ADCY10: variants seen among roughly 807,000 people sequenced by gnomAD.
The protein encoded by ADCY10 is adenylate cyclase 10.
A neutral mutation model predicts 183.3 loss-of-function variants in ADCY10; 156 were observed. The ratio of observed to expected loss-of-function variants is 0.85; its 90% CI spans 0.75 to 0.97. ADCY10 has a LOEUF of 0.97. Among genes scored for constraint, ADCY10 ranks in the 50% least tolerant of loss-of-function variants. The pLI, the probability that ADCY10 is intolerant of heterozygous loss-of-function variation, is 0.00. For missense variants in ADCY10, 1,745 were observed against 1,934.3 expected, an observed-to-expected ratio of 0.90 and a Z score of 1.84; for synonymous variants, 645 against 670.0, an observed-to-expected ratio of 0.96 and a Z score of 0.58.
At chr1:167,840,364 A>T (rs1386032743) in intron 21 of ADCY10, among the ~76,000 whole-genome samples, 6 of 61,270 alleles carry the variant, frequency 9.8e-5, no homozygotes, top group Admixed American at 1.8e-4. Context: ...TATTATTATT[A>T]CTATTTTTTT....
intron 1 of ADCY10, among the ~76,000 whole-genome samples, chr1:167,905,508 C>T (rs1317053676): frequency 6.6e-6 from 1 of 152,014 alleles, no homozygotes; most frequent in African/African-American, 2.4e-5. Context: ...GGCTGTTAAG[C>T]TCTATTCACT....
chr1:167,810,171 G>A (rs1435885634), intron 32 of ADCY10, among the ~76,000 whole-genome samples: 1 of 152,212 alleles, frequency 6.6e-6, no homozygotes, highest in African/African-American at 2.4e-5. Context: ...TGGCCACAAA[G>A]AAGGGCAGAG....
At chr1:167,881,599 A>G (rs1176961460) in intron 9 of ADCY10, among the ~76,000 whole-genome samples, 1 of 152,232 alleles carries the variant, frequency 6.6e-6, no homozygotes, top group Non-Finnish European at 1.5e-5. Context: ...CCCCCTAGCA[A>G]TGGAATGACA....
At position 167,861,211 on chromosome 1, in the gene ADCY10, G is replaced by A. The variant is rs60546418; in HGVS notation, c.1617-148C>T. On this transcript the variant is annotated intron_variant, in intron 14 of 32. Coordinates refer to ENST00000367851, the MANE Select transcript of ADCY10 (RefSeq NM_018417.6). The stretch of plus-strand genomic sequence containing the variant: ...TATCTCGCAATGGTTCTTTATTGCT[G>A]CTTCTGATATACTCCCTCTTCTCCT... 4.7e-4 allele frequency: 332 copies of A among 713,810 alleles called. 2 individuals are homozygous for A. The African/African-American group carries it at 5.5e-3, about 12-fold the overall frequency. The allele number at this position is 713,810 out of a possible 1,614,324, so 44.2% of individuals were successfully genotyped here.
chr1:167,869,595 G>C (rs575625309), intron 14 of ADCY10, among the ~76,000 whole-genome samples: 10 of 152,280 alleles, frequency 6.6e-5, no homozygotes, highest in African/African-American at 1.9e-4. Context: ...CCCTGACCTA[G>C]CAACTGTTGT....
chr1:167,848,918 G>C (rs1665268426), intron 18 of ADCY10, among the ~76,000 whole-genome samples: 1 of 152,084 alleles, frequency 6.6e-6, no homozygotes, highest in African/African-American at 2.4e-5. Context: ...GGGATTACAG[G>C]TATGAGCCAC....
intron 32 of ADCY10, 139 bp downstream of exon 32, chr1:167,810,586 G>A (rs1189849870): frequency 7.5e-6 from 6 of 805,056 alleles, no homozygotes; most frequent in Non-Finnish European, 1.3e-5. Flanking sequence ...TGAGCAGTAG[G>A]TTTCTATTGT....
chr1:167,873,696 A>C (rs948603025), intron 13 of ADCY10, among the ~76,000 whole-genome samples: 1 of 152,182 alleles, frequency 6.6e-6, no homozygotes, highest in South Asian at 2.1e-4. Context: ...CAAAAATATC[A>C]ATTCCAAATG....
At chr1:167,860,811 AGAG>A in intron 15 of ADCY10, 57 bp downstream of exon 15, 2 of 1,387,100 alleles carry the variant, frequency 1.4e-6, no homozygotes, top group Non-Finnish European at 2.1e-6. Flanking sequence ...AATGCACCAG[AGAG>A]GAGTTGCTGT....
At chr1:167,872,154 C>T (rs949052566) in intron 13 of ADCY10, among the ~76,000 whole-genome samples, 4 of 152,218 alleles carry the variant, frequency 2.6e-5, no homozygotes, top group South Asian at 2.1e-4. Flanking sequence ...CCAGCCTCAA[C>T]ATGGAGAAAC....
intron 13 of ADCY10, among the ~76,000 whole-genome samples, chr1:167,872,115 G>T (rs1376425208): frequency 2.6e-5 from 4 of 152,180 alleles, no homozygotes; most frequent in Non-Finnish European, 5.9e-5. Flanking sequence ...GCCGAGGCGG[G>T]TGGATCCCCT....
At chr1:167,904,839 T>C (rs766583006) in intron 2 of ADCY10, 154 bp downstream of exon 2, 25 of 963,544 alleles carry the variant, frequency 2.6e-5, no homozygotes, top group Non-Finnish European at 3.9e-5. Flanking sequence ...CCACAAGCTA[T>C]TTCCTCCCTC....
At position 167,836,401 on chromosome 1, in the gene ADCY10, G is replaced by T; in HGVS notation, c.3217C>A (p.His1073Asn). 1 of 1,614,114 alleles carries T rather than the reference G, an allele frequency of 6.2e-7. No individual in the cohort carries two copies. The highest frequency in any genetic ancestry group is 8.5e-7 in the Non-Finnish European group (1 of 1,179,994). The stretch of plus-strand genomic sequence containing the variant: ...TTTTCTCCCAAAGCCAGAAAATGGT[G>T]GGCCAGAGGCAAGATGACAATCTCT... ...ILEIVILPLA[H>N]HFLALGENDK... Residue 1073 changes from histidine (H) to asparagine (N), a missense_variant, in exon 23 of 33, where the codon CAC becomes AAC. His to Asn is a moderately conservative substitution (Grantham distance 68). Coordinates refer to ENST00000367851, the MANE Select transcript of ADCY10 (RefSeq NM_018417.6).
In ADCY10 at chr1:167,904,526, T is replaced by A. The variant is rs1014095110; in HGVS notation, c.148+467A>T. 4 of 296,084 alleles carry A rather than the reference T, an allele frequency of 1.4e-5. No individual in the cohort carries two copies. In the East Asian group the frequency reaches 2.8e-4, roughly 21 times the overall value. 18.3% of individuals were successfully genotyped at this position (296,084 alleles called of 1,614,324 possible). On this transcript the variant is annotated intron_variant, in intron 2 of 32. Transcript: ENST00000367851. Reference sequence around the variant, plus strand: ...TATTTCTTTCTTCCAAATTCTCAACTGTACAGTGATAACTGCAACTTCTTT... The same window carrying A: ...TATTTCTTTCTTCCAAATTCTCAACAGTACAGTGATAACTGCAACTTCTTT...
intron 14 of ADCY10, among the ~76,000 whole-genome samples, chr1:167,864,890 A>G (rs1666572006): frequency 4.5e-5 from 6 of 134,372 alleles, no homozygotes; most frequent in Admixed American, 3.5e-4. Context: ...CTGCTTTGCT[A>G]ACAGGAAAAA....
At chr1:167,869,143 C>T (rs191345037) in intron 14 of ADCY10, among the ~76,000 whole-genome samples, 3 of 152,278 alleles carry the variant, frequency 2.0e-5, no homozygotes, top group Non-Finnish European at 4.4e-5. Context: ...AGCACGGATT[C>T]GACCCTGAAG....
At chr1:167,877,179 C>A (rs1280746824) in intron 12 of ADCY10, among the ~76,000 whole-genome samples, 1 of 151,060 alleles carries the variant, frequency 6.6e-6, no homozygotes, top group African/African-American at 2.4e-5. Flanking sequence ...ATAGACAAGT[C>A]ATTTAACATC....
chr1:167,835,734 C>G (rs565944351), intron 23 of ADCY10, among the ~76,000 whole-genome samples: 1 of 152,136 alleles, frequency 6.6e-6, no homozygotes, highest in Admixed American at 6.5e-5. Context: ...ACCAAGAACA[C>G]AAAAAATTAG....
At chr1:167,837,840 A>G (rs1353004017) in intron 21 of ADCY10, among the ~76,000 whole-genome samples, 1 of 152,242 alleles carries the variant, frequency 6.6e-6, no homozygotes, top group African/African-American at 2.4e-5. Flanking sequence ...AAATATAGAT[A>G]ATTAAATGAA....
Sources: gnomAD v4.1 joint callset for allele counts (sites outside exome capture counted in the v4.1 genomes callset) on GRCh38, gnomAD v4.1.1 for gene constraint, MANE v1.5 for transcripts, NCBI Gene and HGNC (gene_info 2026-07-23, HGNC 2026-07-21) for gene names.